STK33: variants seen among roughly 807,000 people sequenced by gnomAD.
STK33 encodes serine/threonine-protein kinase 33.
Under a neutral mutation model 58.0 loss-of-function variants are expected in STK33, and 52 were observed. The observed-to-expected ratio is 0.90, with a 90% CI of 0.72 to 1.13. STK33 has a LOEUF of 1.13. Ranked by LOEUF, STK33 falls within the 50% of genes most tolerant of loss-of-function variation. The pLI is 0.00. For missense variants in STK33, 630 were observed against 604.2 expected (o/e 1.04, Z -0.45); for synonymous variants, 215 against 200.1 (o/e 1.07, Z -0.63).
At chr11:8,416,992 T>C (rs1941231044) in intron 14 of STK33, among the ~76,000 whole-genome samples, 1 of 152,160 alleles carries the variant, frequency 6.6e-6, no homozygotes, top group African/African-American at 2.4e-5. Flanking sequence ...CAATAATAAG[T>C]GGTCCACAAC....
intron 11 of STK33, among the ~76,000 whole-genome samples, chr11:8,448,710 G>A (rs547244176): frequency 6.6e-6 from 1 of 152,142 alleles, no homozygotes; most frequent in East Asian, 1.9e-4. Flanking sequence ...TACCATTCAG[G>A]ACATAGGCAT....
In STK33 at chr11:8,440,770, T is replaced by C. The variant is rs1284168430; in HGVS notation, c.872-17A>G. The C allele has an allele frequency of 3.2e-6, 5 of 1,550,306 alleles. No individual in the cohort carries two copies. Among genetic ancestry groups the C allele is most frequent in the Admixed American group, 3.9e-5 (2 of 51,496 alleles). On this transcript the variant is annotated splice_polypyrimidine_tract_variant and intron_variant, in intron 11 of 15. Coordinates refer to ENST00000687296, the MANE Select transcript of STK33 (RefSeq NM_001352389.2). The stretch of plus-strand genomic sequence containing the variant: ...CTTCAGGGGCTGCCAAACAAGCAGA[T>C]ATAAAATAACATTAATAATACAATA...
chr11:8,557,555 G>A (rs776226197), intron 1 of STK33, among the ~76,000 whole-genome samples: 4 of 151,870 alleles, frequency 2.6e-5, no homozygotes, highest in Non-Finnish European at 5.9e-5. Flanking sequence ...ATAATTCCTA[G>A]TGCAACTACT....
intron 1 of STK33, among the ~76,000 whole-genome samples, chr11:8,508,689 C>T (rs1952063441): frequency 6.6e-6 from 1 of 152,142 alleles, no homozygotes; most frequent in South Asian, 2.1e-4. Context: ...TTTGACCAAA[C>T]TGGTATTGAA....
intron 1 of STK33, among the ~76,000 whole-genome samples, chr11:8,553,966 G>C (rs1439974204): frequency 6.6e-6 from 1 of 152,126 alleles, no homozygotes; most frequent in Non-Finnish European, 1.5e-5. Context: ...CACCTAAAAA[G>C]CTTCTGCAGA....
chr11:8,373,492 G>A, the STK33 span, among the ~76,000 whole-genome samples: 1 of 152,134 alleles, frequency 6.6e-6, no homozygotes. Context: ...GACGATGAGG[G>A]TGCTAGTATG....
At chr11:8,375,501 T>C in the STK33 span, among the ~76,000 whole-genome samples, 3 of 152,242 alleles carry the variant, frequency 2.0e-5, no homozygotes, top group Non-Finnish European at 2.9e-5. Context: ...AACTACTCAA[T>C]GATTTTCAAA....
At chr11:8,539,135 G>T (rs999076543) in intron 1 of STK33, among the ~76,000 whole-genome samples, 41 of 151,930 alleles carry the variant, frequency 2.7e-4, no homozygotes, top group African/African-American at 9.4e-4. Flanking sequence ...GTTTACAGAA[G>T]AGGTATTCTG....
intron 8 of STK33, 147 bp downstream of exon 8, chr11:8,461,658 C>T: frequency 2.1e-6 from 1 of 481,446 alleles, no homozygotes. Flanking sequence ...AATAAAAGTC[C>T]TCCAGAATGT....
intron 14 of STK33, among the ~76,000 whole-genome samples, chr11:8,416,079 G>A (rs762042609): frequency 6.6e-6 from 1 of 152,170 alleles, no homozygotes; most frequent in Non-Finnish European, 1.5e-5. Flanking sequence ...CACATAGACA[G>A]CAAAGTGTGT....
At chr11:8,513,340 T>A (rs1306418648) in intron 1 of STK33, among the ~76,000 whole-genome samples, 1 of 152,180 alleles carries the variant, frequency 6.6e-6, no homozygotes, top group Non-Finnish European at 1.5e-5. Flanking sequence ...TGTAGCCCGT[T>A]CCTACCACCT....
At chr11:8,358,634 GA>G in the STK33 span, among the ~76,000 whole-genome samples, 2 of 152,212 alleles carry the variant, frequency 1.3e-5, no homozygotes, top group East Asian at 1.9e-4. Flanking sequence ...GGGACAGTGA[GA>G]GGGGGCGGGT....
chr11:8,469,414 G>C (rs993016674), intron 6 of STK33, among the ~76,000 whole-genome samples: 1 of 152,196 alleles, frequency 6.6e-6, no homozygotes, highest in Non-Finnish European at 1.5e-5. Context: ...CAAAAAGTCA[G>C]TCCCATCTTC....
chr11:8,514,998 T>C (rs555212496), intron 1 of STK33, among the ~76,000 whole-genome samples: 20 of 151,914 alleles, frequency 1.3e-4, no homozygotes, highest in Admixed American at 2.6e-4. Context: ...AAAAATGCAA[T>C]TGCAAAAATT....
chr11:8,412,317 G>GT (rs1198432589), intron 15 of STK33, among the ~76,000 whole-genome samples: 5 of 152,032 alleles, frequency 3.3e-5, no homozygotes, highest in African/African-American at 1.2e-4. Context: ...GCTAAGCATC[G>GT]TAGGAGTTAA....
chr11:8,386,314 T>C, the STK33 span, among the ~76,000 whole-genome samples: 10 of 152,240 alleles, frequency 6.6e-5, no homozygotes, highest in Admixed American at 2.6e-4. Flanking sequence ...AGAAAGTTGA[T>C]ATGAAACTTA....
chr11:8,390,908 G>C (rs1360902495), downstream of STK33, among the ~76,000 whole-genome samples: 4 of 152,186 alleles, frequency 2.6e-5, no homozygotes, highest in Non-Finnish European at 5.9e-5. Flanking sequence ...GTGAAAGTAA[G>C]AGTATTTTTA....
chr11:8,431,829 T>G (rs1450148132), intron 14 of STK33, among the ~76,000 whole-genome samples: 1 of 152,194 alleles, frequency 6.6e-6, no homozygotes, highest in Admixed American at 6.5e-5. Context: ...TCTCACAATT[T>G]TCTTTCCTTT....
the STK33 span, among the ~76,000 whole-genome samples, chr11:8,352,642 C>T: frequency 1.3e-5 from 2 of 152,182 alleles, no homozygotes; most frequent in African/African-American, 2.4e-5. Context: ...TGTTTGTGCG[C>T]TTTGAAGACT....
Sources: gnomAD v4.1 joint callset for allele counts (sites outside exome capture counted in the v4.1 genomes callset) on GRCh38, gnomAD v4.1.1 for gene constraint, MANE v1.5 for transcripts, NCBI Gene and HGNC (gene_info 2026-07-23, HGNC 2026-07-21) for gene names.